COL6A3: variants seen among roughly 807,000 people sequenced by gnomAD.
COL6A3 encodes the protein collagen type VI alpha 3 chain.
COL6A3 carries 137 observed loss-of-function variants against 274.1 expected under a neutral mutation model. The ratio of observed to expected loss-of-function variants is 0.50; its 90% CI spans 0.44 to 0.58. The LOEUF (loss-of-function observed/expected upper bound fraction) is 0.58, where lower values mean the gene tolerates loss of function less well. Ranked by LOEUF, COL6A3 falls within the 20% of genes least tolerant of loss-of-function variation. COL6A3 has a pLI of 0.00. For synonymous variants in COL6A3, 1,650 were observed against 1,650.6 expected, an observed-to-expected ratio of 1.00 and a Z score of 0.01; for missense variants, 3,950 against 4,124.9, an observed-to-expected ratio of 0.96 and a Z score of 1.16.
intron 23 of COL6A3, among the ~76,000 whole-genome samples, chr2:237,356,193 T>G (rs1428270045): frequency 6.6e-6 from 1 of 152,242 alleles, no homozygotes; most frequent in Admixed American, 6.5e-5. Flanking sequence ...TTAAGTCATT[T>G]CATGAAACCA....
At chr2:237,392,533 C>G (rs1181089370) in intron 3 of COL6A3, among the ~76,000 whole-genome samples, 1 of 152,202 alleles carries the variant, frequency 6.6e-6, no homozygotes, top group Non-Finnish European at 1.5e-5. Context: ...CTCCTACCTC[C>G]TGTCCCAGTG....
At chr2:237,325,867 C>T in intron 42 of COL6A3, 143 bp from the exon 43 acceptor site, 2 of 645,712 alleles carry the variant, frequency 3.1e-6, no homozygotes, top group Non-Finnish European at 5.3e-6. Context: ...CCTTAACCTG[C>T]TCAAATCTCC....
At chr2:237,391,362 G>C (rs1255202408) in intron 3 of COL6A3, among the ~76,000 whole-genome samples, 2 of 152,190 alleles carry the variant, frequency 1.3e-5, no homozygotes, top group Non-Finnish European at 2.9e-5. Context: ...CACGATGTTG[G>C]TAGTTTCATT....
Position 237,340,753 on chromosome 2 carries a change from G to C in COL6A3, c.8163C>G (p.Tyr2721Ter), listed in dbSNP as rs1032020366. 1 of 1,614,132 alleles carries C rather than the reference G, an allele frequency of 6.2e-7. No homozygotes were observed. The highest frequency in any genetic ancestry group is 1.7e-5 in the Admixed American group (1 of 60,032). ...GTRALGSAIE[Y>*]TIENVFESAP... ...CACTTTCAAAGACATTCTCTATGGTGTATTCAATGGCACTGCCTAAGGCCC... is the reference window on the plus strand; with the variant it reads ...CACTTTCAAAGACATTCTCTATGGTCTATTCAATGGCACTGCCTAAGGCCC... Residue 2721 changes from tyrosine to a stop codon, truncating the protein, a stop_gained, in exon 38 of 44, where the codon TAC becomes TAG. Coordinates refer to ENST00000295550, the MANE Select transcript of COL6A3 (RefSeq NM_004369.4). LOFTEE classifies it high-confidence loss of function.
chr2:237,327,254 C>T (rs1699994376), intron 42 of COL6A3: 1 of 152,180 alleles, frequency 6.6e-6, no homozygotes, highest in South Asian at 2.1e-4. Flanking sequence ...CCCTATTCTT[C>T]CTTCCTTCCC....
In COL6A3 at chr2:237,397,232, G is replaced by GA. The variant is rs1481298750; in HGVS notation, c.-30-386dup. Among the ~76,000 whole-genome samples the GA allele has an allele frequency of 5.0e-5, 7 of 139,976 alleles. 2 individuals carry two copies. In the South Asian group the frequency reaches 1.6e-3, roughly 33 times the overall value. The allele number at this position is 139,976 out of a possible 152,430, so 91.8% of individuals were successfully genotyped here. ...GAAGTGAAAGAAGGGAAGGAAGGAA[G>GA]AAGTGAAGGAAGGGAAGGGAAGGAA... On this transcript the variant is annotated intron_variant, in intron 1 of 43. Coordinates refer to ENST00000295550, the MANE Select transcript of COL6A3 (RefSeq NM_004369.4).
chr2:237,389,762 C>A (rs2078240720), intron 3 of COL6A3, among the ~76,000 whole-genome samples: 1 of 152,184 alleles, frequency 6.6e-6, no homozygotes, highest in Admixed American at 6.5e-5. Flanking sequence ...ATATATTAAC[C>A]TGGCAACATT....
chr2:237,350,310 T>C, intron 27 of COL6A3, 101 bp from the exon 28 acceptor site: 1 of 1,005,024 alleles, frequency 1.0e-6, no homozygotes, highest in Non-Finnish European at 1.6e-6. Flanking sequence ...TGCAACATGC[T>C]GACTTCACCT....
At chr2:237,334,485 T>G in intron 41 of COL6A3, 141 bp downstream of exon 41, 6 of 888,154 alleles carry the variant, frequency 6.8e-6, no homozygotes, top group East Asian at 2.7e-5. Flanking sequence ...CCAGGCTGAG[T>G]TGTTTTGTTG....
chr2:237,331,431 T>C (rs1700218676), intron 42 of COL6A3, among the ~76,000 whole-genome samples: 1 of 152,100 alleles, frequency 6.6e-6, no homozygotes, highest in Non-Finnish European at 1.5e-5. Context: ...AGGATAAGGA[T>C]TCCTCTCCTA....
intron 17 of COL6A3, 131 bp downstream of exon 17, chr2:237,359,957 G>C: frequency 1.1e-6 from 1 of 910,094 alleles, no homozygotes; most frequent in South Asian, 1.4e-5. Context: ...GCCTTCCAAT[G>C]AGAGGTCACG....
intron 6 of COL6A3, among the ~76,000 whole-genome samples, chr2:237,377,818 T>C (rs1574717831): frequency 1.3e-5 from 2 of 152,218 alleles, no homozygotes; most frequent in Non-Finnish European, 2.9e-5. Flanking sequence ...TCTGCTGTAA[T>C]TGAATGATCA....
rs112554120 is a variant in COL6A3 at position 237,348,721 on chromosome 2, C to A, written c.6880-58G>T. 8.7e-4 allele frequency: 1,289 copies of A among 1,485,560 alleles called. 14 individuals carry two copies. The African/African-American group carries it at 0.013, about 15-fold the overall frequency. 92.0% of individuals were successfully genotyped at this position (1,485,560 alleles called of 1,614,324 possible). Reference sequence around the variant, plus strand: ...GCCATGCCTGGCACACCATAACCACCGTCTCTGCCCTGCCGCTGCCCCTGA... The same window carrying A: ...GCCATGCCTGGCACACCATAACCACAGTCTCTGCCCTGCCGCTGCCCCTGA... On this transcript the variant is annotated intron_variant, in intron 28 of 43. Transcript: ENST00000295550.
intron 7 of COL6A3, 61 bp from the exon 8 acceptor site, chr2:237,375,081 G>A (rs1288952198): frequency 3.7e-6 from 6 of 1,604,912 alleles, no homozygotes; most frequent in Non-Finnish European, 5.1e-6. Flanking sequence ...TCATATCAAC[G>A]AGGTGGGCTG....
In COL6A3 at chr2:237,347,879, A is replaced by C. The variant is rs777986767; in HGVS notation, c.6967-10T>G. On this transcript the variant is annotated splice_polypyrimidine_tract_variant and intron_variant, in intron 30 of 43. Coordinates refer to ENST00000295550, the MANE Select transcript of COL6A3 (RefSeq NM_004369.4). ...GTTCACCTGGGTTACCCTGGGAAGA[A>C]AGCCGAGAAGTGGCACAGTAAGCTT... 6.2e-7 allele frequency: 1 copy of C among 1,607,266 alleles called. No homozygotes were observed. The highest frequency in any genetic ancestry group is 8.5e-7 in the Non-Finnish European group (1 of 1,176,388).
At chr2:237,403,622 AT>A (rs912682275) in intron 1 of COL6A3, among the ~76,000 whole-genome samples, 3 of 152,004 alleles carry the variant, frequency 2.0e-5, no homozygotes, top group Admixed American at 2.0e-4. Flanking sequence ...GCTCAGCCCG[AT>A]TTTTTTTCCC....
intron 1 of COL6A3, among the ~76,000 whole-genome samples, chr2:237,401,120 T>A (rs1238268335): frequency 6.6e-6 from 1 of 152,208 alleles, no homozygotes; most frequent in Admixed American, 6.5e-5. Context: ...AAACCTCATG[T>A]ATATGATCTT....
rs368635334 is a variant in COL6A3 at position 237,364,358 on chromosome 2, C to A, written c.5909G>T (p.Arg1970Leu). 9.9e-6 allele frequency: 16 copies of A among 1,613,400 alleles called. No individual in the cohort carries two copies. Among genetic ancestry groups the A allele is most frequent in the Non-Finnish European group, 1.1e-5 (13 of 1,179,558 alleles). The change falls in exon 13 of 44, where the codon CGC (arginine) becomes CTC (leucine). Residue 1970 changes from arginine (R) to leucine (L), a missense_variant. Arg to Leu is a moderately radical substitution (Grantham distance 102, BLOSUM62 -2). Coordinates refer to ENST00000295550, the MANE Select transcript of COL6A3 (RefSeq NM_004369.4). This position sits in a 1 kb window ranked among gnomAD's most constrained non-coding sequence, Gnocchi z 4.6. Reference protein sequence around the residue: ...ADLHRASENLRQEGVRALILV... With the variant: ...ADLHRASENLLQEGVRALILV... ...AAAGCCTTGGCACCTACCTTCTTGG[C>A]GGAGGTTCTCAGATGCTCTGTGTAA...
At chr2:237,325,448 T>A in intron 43 of COL6A3, 112 bp downstream of exon 43, 2 of 1,201,550 alleles carry the variant, frequency 1.7e-6, no homozygotes, top group Non-Finnish European at 2.5e-6. Context: ...ATACACTTTA[T>A]CTTCTTTTTC....
Sources: gnomAD v4.1 joint callset for allele counts (sites outside exome capture counted in the v4.1 genomes callset) on GRCh38, gnomAD v4.1.1 for gene constraint, Gnocchi (gnomAD v3.1) non-coding constraint, MANE v1.5 for transcripts, NCBI Gene and HGNC (gene_info 2026-07-23, HGNC 2026-07-21) for gene names.